NTN1: variants seen among roughly 807,000 people sequenced by gnomAD.
NTN1 encodes the protein netrin-1.
NTN1 carries 11 observed loss-of-function variants against 54.2 expected under a neutral mutation model. That is an observed-to-expected ratio of 0.20 (90% CI 0.13 to 0.34). The LOEUF is 0.34. NTN1 is among the 10% of genes least tolerant of loss of function. The probability of loss-of-function intolerance (pLI) is 1.00; values close to 1 mark genes in which losing one functional copy is unlikely to be tolerated. For missense variants in NTN1, 740 were observed against 893.1 expected (o/e 0.83, Z 2.18); for synonymous variants, 371 against 382.0 (o/e 0.97, Z 0.33).
intron 2 of NTN1, among the ~76,000 whole-genome samples, chr17:9,100,405 C>T (rs2092146611): frequency 6.6e-6 from 1 of 152,158 alleles, no homozygotes; most frequent in African/African-American, 2.4e-5. Context: ...TCAAGTGATT[C>T]TTCTGCCTCA....
intron 5 of NTN1, among the ~76,000 whole-genome samples, chr17:9,210,181 G>T (rs797010716): frequency 1.2e-4 from 18 of 152,190 alleles, no homozygotes; most frequent in African/African-American, 4.3e-4. Flanking sequence ...ACCATGCCGA[G>T]CTGGGTCCTG....
Position 9,126,831 on chromosome 17 carries a change from C to G in NTN1, c.1019-35982C>G, listed in dbSNP as rs1013009404. Among the ~76,000 whole-genome samples, 6 of 151,966 alleles carry G rather than the reference C, an allele frequency of 3.9e-5. 1 individual carries two copies. The South Asian group carries it at 1.2e-3, about 32-fold the overall frequency. On this transcript the variant is annotated intron_variant, in intron 2 of 6. Transcript: ENST00000173229. The stretch of plus-strand genomic sequence containing the variant: ...CTGTGGAAAGTTGCAGATATCAGCT[C>G]GAGGGGGCTGTATTTGGCTGACTTG...
intron 6 of NTN1, among the ~76,000 whole-genome samples, chr17:9,226,639 G>A (rs1905574575): frequency 6.6e-6 from 1 of 152,114 alleles, no homozygotes; most frequent in Non-Finnish European, 1.5e-5. Flanking sequence ...ATGCTTGGAG[G>A]AGAGCCGCCA....
At chr17:9,114,946 C>T (rs1027959900) in intron 2 of NTN1, among the ~76,000 whole-genome samples, 4 of 152,172 alleles carry the variant, frequency 2.6e-5, no homozygotes, top group Non-Finnish European at 5.9e-5. Flanking sequence ...CAAGGGCAGT[C>T]TGTATTTCTA....
intron 2 of NTN1, among the ~76,000 whole-genome samples, chr17:9,103,466 A>T (rs1471664736): frequency 6.6e-6 from 1 of 152,060 alleles, no homozygotes; most frequent in African/African-American, 2.4e-5. Flanking sequence ...GTGAGTTCTC[A>T]TGAGATCTGA....
intron 2 of NTN1, among the ~76,000 whole-genome samples, chr17:9,042,563 C>G (rs927936709): frequency 9.9e-5 from 15 of 150,950 alleles, no homozygotes; most frequent in African/African-American, 3.7e-4. Flanking sequence ...CCGAGGCGGG[C>G]AGATCATGAG....
chr17:9,239,898 G>A lies in NTN1; in HGVS notation c.1745G>A (p.Arg582Gln), dbSNP rs754203987. 7 of 1,607,926 alleles carry A rather than the reference G, an allele frequency of 4.4e-6. No individual in the cohort carries two copies. Among genetic ancestry groups the A allele is most frequent in the Non-Finnish European group, 5.1e-6 (6 of 1,177,892 alleles). ...AAAAGCAGCCTGGTGATCCAGTGGC[G>A]GGACACGTGGGCGCGGCGGCTGCGC... is the stretch of plus-strand genomic sequence containing the variant. ...ADKSSLVIQW[R>Q]DTWARRLRKF... The change falls in exon 7 of 7, where the codon CGG (arginine) becomes CAG (glutamine). Residue 582 changes from arginine (R) to glutamine (Q), a missense_variant. Transcript: ENST00000173229. The surrounding 1 kb of genome is among the most constrained non-coding windows in gnomAD (Gnocchi z 5.2).
At position 9,183,149 on chromosome 17, in the gene NTN1, G is replaced by C. The variant is rs1461906708; in HGVS notation, c.1411+180G>C. On this transcript the variant is annotated intron_variant, in intron 5 of 6. Coordinates refer to ENST00000173229, the MANE Select transcript of NTN1 (RefSeq NM_004822.3). ...AGCTGGAGCTATAGGACACTATTTTGTGGCTTTCCCTCTGAGAATCAAATG... is the reference window on the plus strand; with the variant it reads ...AGCTGGAGCTATAGGACACTATTTTCTGGCTTTCCCTCTGAGAATCAAATG... 4.3e-6 allele frequency: 3 copies of C among 702,328 alleles called. No individual in the cohort carries two copies. The South Asian group carries it at 4.8e-5, about 11-fold the overall frequency. The allele number at this position is 702,328 out of a possible 1,614,324, so 43.5% of individuals were successfully genotyped here.
At chr17:9,014,912 T>G in the NTN1 span, among the ~76,000 whole-genome samples, 1 of 152,216 alleles carries the variant, frequency 6.6e-6, no homozygotes, top group Non-Finnish European at 1.5e-5. Context: ...CTAGATTATT[T>G]TAGTTCACAC....
At chr17:9,115,712 G>A (rs945256648) in intron 2 of NTN1, among the ~76,000 whole-genome samples, 3 of 152,202 alleles carry the variant, frequency 2.0e-5, no homozygotes, top group Non-Finnish European at 2.9e-5. Flanking sequence ...GACATTTCCC[G>A]GGGCCGCAGC....
In NTN1 at chr17:9,022,964, C is replaced by A. The variant is rs770770428; in HGVS notation, c.591C>A (p.Asn197Lys). The change falls in exon 2 of 7, where the codon AAC (asparagine) becomes AAA (lysine). Residue 197 changes from asparagine (N) to lysine (K), a missense_variant. By Grantham distance (94) the Asn-to-Lys change is moderately conservative. Transcript: ENST00000173229. The part of the protein sequence containing the change: ...RPHRAPITKQ[N>K]EQEAVCTDSH... ...ACCGCGCGCCCATCACCAAGCAGAA[C>A]GAGCAGGAGGCCGTGTGCACCGACT... 1 of 1,611,246 alleles carries A rather than the reference C, an allele frequency of 6.2e-7. No homozygotes were observed. The highest frequency in any genetic ancestry group is 2.2e-5 in the East Asian group (1 of 44,712).
chr17:9,083,701 T>C (rs1407200358), intron 2 of NTN1, among the ~76,000 whole-genome samples: 1 of 152,176 alleles, frequency 6.6e-6, no homozygotes, highest in Non-Finnish European at 1.5e-5. Context: ...AAGGATGATA[T>C]TGAGACCACG....
At chr17:9,166,807 C>G (rs1191838101) in intron 3 of NTN1, among the ~76,000 whole-genome samples, 1 of 152,168 alleles carries the variant, frequency 6.6e-6, no homozygotes, top group Non-Finnish European at 1.5e-5. Flanking sequence ...TCTGGGGCCT[C>G]TTTACCCCAG....
chr17:9,042,809 T>A (rs2091927093), intron 2 of NTN1, among the ~76,000 whole-genome samples: 2 of 152,114 alleles, frequency 1.3e-5, no homozygotes, highest in African/African-American at 4.8e-5. Flanking sequence ...AAAGTGAGAT[T>A]TGTCTGACCT....
intron 2 of NTN1, among the ~76,000 whole-genome samples, chr17:9,131,658 G>A (rs2092265741): frequency 1.3e-5 from 2 of 149,220 alleles, no homozygotes; most frequent in South Asian, 4.2e-4. Context: ...TTAGCTCACT[G>A]CAACCTCTGC....
chr17:9,085,303 C>CCT (rs1379862452), intron 2 of NTN1, among the ~76,000 whole-genome samples: 1 of 152,200 alleles, frequency 6.6e-6, no homozygotes, highest in African/African-American at 2.4e-5. Flanking sequence ...GGAAGCTGGT[C>CCT]CTCCAGCACC....
At chr17:9,057,209 ACC>A (rs2091982301) in intron 2 of NTN1, among the ~76,000 whole-genome samples, 3 of 147,630 alleles carry the variant, frequency 2.0e-5, no homozygotes, top group African/African-American at 7.5e-5. Context: ...TGACCAAAGG[ACC>A]CCTGTGGTCC....
chr17:9,239,497 C>A lies in NTN1; in HGVS notation c.1487-143C>A. 1.4e-6 allele frequency: 1 copy of A among 728,310 alleles called. No individual in the cohort carries two copies. Among genetic ancestry groups the A allele is most frequent in the Non-Finnish European group, 2.2e-6 (1 of 449,384 alleles). 45.1% of individuals were successfully genotyped at this position (728,310 alleles called of 1,614,324 possible). On this transcript the variant is annotated intron_variant, in intron 6 of 6. Coordinates refer to ENST00000173229, the MANE Select transcript of NTN1 (RefSeq NM_004822.3). The surrounding 1 kb of genome is among the most constrained non-coding windows in gnomAD (Gnocchi z 5.2). Reference sequence around the variant, plus strand: ...AGGTGGGGGTCTACGATCAGCTTGCCACCACCCACGCGCTCCTGTATGGGC... The same window carrying A: ...AGGTGGGGGTCTACGATCAGCTTGCAACCACCCACGCGCTCCTGTATGGGC...
At chr17:9,175,872 C>T (rs1040364187) in intron 3 of NTN1, 9 of 152,194 alleles carry the variant, frequency 5.9e-5, no homozygotes, top group Admixed American at 3.3e-4. Flanking sequence ...GAAAAAATCC[C>T]CGGGTTGATT....
Sources: gnomAD v4.1 joint callset for allele counts (sites outside exome capture counted in the v4.1 genomes callset) on GRCh38, gnomAD v4.1.1 for gene constraint, Gnocchi (gnomAD v3.1) non-coding constraint, MANE v1.5 for transcripts, NCBI Gene and HGNC (gene_info 2026-07-23, HGNC 2026-07-21) for gene names.